ZBTB20: variants seen among roughly 807,000 people sequenced by gnomAD.
ZBTB20 encodes zinc finger and BTB domain-containing protein 20.
In ZBTB20, 9 loss-of-function variants were observed where a neutral mutation model predicts 56.9. That is an observed-to-expected ratio of 0.16 (90% CI 0.10 to 0.28). The LOEUF is 0.28. Ranked by LOEUF, ZBTB20 falls within the 10% of genes least tolerant of loss-of-function variation. The pLI is 1.00. For missense variants in ZBTB20, 655 were observed against 1,003.0 expected (o/e 0.65, Z 4.69); for synonymous variants, 417 against 420.7 (o/e 0.99, Z 0.11).
intron 2 of ZBTB20, among the ~76,000 whole-genome samples, chr3:114,981,093 G>A (rs764802332): frequency 4.6e-5 from 7 of 151,888 alleles, no homozygotes; most frequent in African/African-American, 7.2e-5. Flanking sequence ...AAAAAACCAA[G>A]AATCTTTTTT....
chr3:114,836,503 C>G (rs1332931098), intron 4 of ZBTB20, among the ~76,000 whole-genome samples: 1 of 152,182 alleles, frequency 6.6e-6, no homozygotes, highest in Non-Finnish European at 1.5e-5. Flanking sequence ...ATGCCCCAAA[C>G]AGAACTCTGG....
chr3:114,844,981 T>C (rs942382551), intron 4 of ZBTB20, among the ~76,000 whole-genome samples: 3 of 151,880 alleles, frequency 2.0e-5, no homozygotes, highest in African/African-American at 7.3e-5. Context: ...TTATCAGATA[T>C]ATTCTTTGCA....
intron 3 of ZBTB20, among the ~76,000 whole-genome samples, chr3:114,954,736 G>A (rs968309272): frequency 1.3e-5 from 2 of 152,176 alleles, no homozygotes; most frequent in Admixed American, 6.6e-5. Flanking sequence ...CTAAGATAAG[G>A]TTTGGGGCAC....
intron 6 of ZBTB20, among the ~76,000 whole-genome samples, chr3:114,550,184 T>C (rs1428123028): frequency 2.0e-5 from 3 of 152,166 alleles, no homozygotes; most frequent in Non-Finnish European, 4.4e-5. Context: ...GCGATCCGCC[T>C]GCCTTGGCCT....
intron 7 of ZBTB20, among the ~76,000 whole-genome samples, chr3:114,410,487 C>A (rs1328281294): frequency 6.6e-6 from 1 of 152,152 alleles, no homozygotes; most frequent in African/African-American, 2.4e-5. Flanking sequence ...AGAATAGCTT[C>A]TGAGAGACAC....
At chr3:114,437,623 G>C (rs929516207) in intron 7 of ZBTB20, among the ~76,000 whole-genome samples, 46 of 152,128 alleles carry the variant, frequency 3.0e-4, no homozygotes, top group African/African-American at 1.1e-3. Flanking sequence ...GTATTTTATA[G>C]GGTTGAAGCA....
rs755726614 is a variant in ZBTB20 at position 114,350,471 on chromosome 3, T to G, written c.1607A>C (p.Gln536Pro). Reference sequence around the variant, plus strand: ...CTGGGACACTGTCACAAACTGGGTCTGCTGGCCTGCCAGGGGCTGTGGCAG... The same window carrying G: ...CTGGGACACTGTCACAAACTGGGTCGGCTGGCCTGCCAGGGGCTGTGGCAG... ...FSLPQPLAGQ[Q>P]TQFVTVSQPG... The change falls in exon 11 of 12, where the codon CAG becomes CCG. Residue 536 changes from glutamine (Q) to proline (P), a missense_variant. This residue lies in a region of ZBTB20 where 71 missense variants were observed against 89.4 expected (regional missense o/e 0.79). Coordinates refer to ENST00000675478, the MANE Select transcript of ZBTB20 (RefSeq NM_001348800.3). 3.1e-6 allele frequency: 5 copies of G among 1,613,896 alleles called. No homozygotes were observed. The East Asian group carries it at 8.9e-5, about 29-fold the overall frequency.
chr3:114,795,698 A>G (rs563502889), intron 5 of ZBTB20, among the ~76,000 whole-genome samples: 9 of 152,254 alleles, frequency 5.9e-5, no homozygotes, highest in Admixed American at 3.3e-4. Flanking sequence ...TCTTGCATAC[A>G]TAACACTTTA....
At chr3:114,500,763 A>G (rs933209852) in intron 6 of ZBTB20, among the ~76,000 whole-genome samples, 6 of 152,246 alleles carry the variant, frequency 3.9e-5, no homozygotes, top group African/African-American at 1.2e-4. Context: ...AAATTATTTA[A>G]CATTTAATAA....
At chr3:114,587,823 C>A (rs545572479) in intron 6 of ZBTB20, among the ~76,000 whole-genome samples, 2 of 152,284 alleles carry the variant, frequency 1.3e-5, no homozygotes, top group South Asian at 4.2e-4. Flanking sequence ...TAATTTGATA[C>A]AAAAGGGCCA....
At chr3:115,128,752 G>C (rs367892765) in intron 1 of ZBTB20, among the ~76,000 whole-genome samples, 1 of 135,018 alleles carries the variant, frequency 7.4e-6, no homozygotes, top group South Asian at 2.7e-4. Flanking sequence ...AAGGGGAGGG[G>C]AGGGGAGGGA....
chr3:114,379,428 T>C lies in ZBTB20; in HGVS notation c.199+789A>G, dbSNP rs572487417. On this transcript the variant is annotated intron_variant, in intron 10 of 11. Transcript: ENST00000675478. The stretch of plus-strand genomic sequence containing the variant: ...ACATGTTTCTTTTTCTCTGAAGTAT[T>C]GGGTTACATTTCAGAAAAAGAAAAA... Among the ~76,000 whole-genome samples the C allele has an allele frequency of 2.6e-3, 400 of 152,334 alleles. 3 individuals carry two copies. Among genetic ancestry groups the C allele is most frequent in the African/African-American group, 9.1e-3 (380 of 41,576 alleles).
At chr3:115,005,532 C>G (rs1206182841) in intron 2 of ZBTB20, among the ~76,000 whole-genome samples, 1 of 151,640 alleles carries the variant, frequency 6.6e-6, no homozygotes, top group African/African-American at 2.4e-5. Context: ...TGCATCCTAC[C>G]TTATGTCAGG....
chr3:114,924,762 T>TA (rs1431313769), intron 3 of ZBTB20, among the ~76,000 whole-genome samples: 4 of 152,068 alleles, frequency 2.6e-5, no homozygotes, highest in Non-Finnish European at 4.4e-5. Flanking sequence ...TATTTTTAAA[T>TA]AAAAAATAAA....
chr3:114,674,735 G>T (rs1329296526), intron 6 of ZBTB20, among the ~76,000 whole-genome samples: 1 of 152,130 alleles, frequency 6.6e-6, no homozygotes, highest in Admixed American at 6.6e-5. Flanking sequence ...TTCTTTGCAT[G>T]AAGTAGTAAA....
chr3:114,591,746 T>C (rs1461726830), intron 6 of ZBTB20, among the ~76,000 whole-genome samples: 1 of 152,234 alleles, frequency 6.6e-6, no homozygotes, highest in Non-Finnish European at 1.5e-5. Context: ...GTTTTGTTTA[T>C]TCCCAGTTTT....
intron 6 of ZBTB20, among the ~76,000 whole-genome samples, chr3:114,680,545 T>C (rs185560533): frequency 2.0e-5 from 3 of 152,304 alleles, no homozygotes; most frequent in Non-Finnish European, 2.9e-5. Flanking sequence ...TGCTACAATG[T>C]CACAACCAGT....
At chr3:114,921,189 C>T (rs1470267151) in intron 3 of ZBTB20, among the ~76,000 whole-genome samples, 1 of 152,104 alleles carries the variant, frequency 6.6e-6, no homozygotes, top group Non-Finnish European at 1.5e-5. Context: ...ATGGTGTGAC[C>T]TTGGCTCACT....
At chr3:114,699,889 GGACTAGTATC>G (rs2063290386) in intron 5 of ZBTB20, among the ~76,000 whole-genome samples, 1 of 151,882 alleles carries the variant, frequency 6.6e-6, no homozygotes, top group Non-Finnish European at 1.5e-5. Flanking sequence ...GGCAGAGCTG[GGACTAGTATC>G]TAAAGCTCAC....
Sources: gnomAD v4.1 joint callset for allele counts (sites outside exome capture counted in the v4.1 genomes callset) on GRCh38, gnomAD v4.1.1 for gene constraint, gnomAD v4.1.1 regional missense constraint, MANE v1.5 for transcripts, NCBI Gene and HGNC (gene_info 2026-07-23, HGNC 2026-07-21) for gene names.